The following AGGF1 variants were observed in gnomAD, a reference collection of about 807,000 sequenced individuals.
AGGF1 encodes angiogenic factor with G-patch and FHA domains 1, also known as angiogenic factor with G patch and FHA domains 1.
A neutral mutation model predicts 86.5 loss-of-function variants in AGGF1; 56 were observed. The ratio of observed to expected loss-of-function variants is 0.65; its 90% CI spans 0.52 to 0.81. The LOEUF is 0.81. Ranked by LOEUF, AGGF1 falls within the 30% of genes least tolerant of loss-of-function variation. AGGF1 has a pLI of 0.00. For missense variants in AGGF1, 816 were observed against 850.9 expected (o/e 0.96, Z 0.51); for synonymous variants, 313 against 297.1 (o/e 1.05, Z -0.55).
At chr5:77,040,054 G>C (rs1747041980) in intron 5 of AGGF1, among the ~76,000 whole-genome samples, 1 of 151,100 alleles carries the variant, frequency 6.6e-6, no homozygotes, top group South Asian at 2.1e-4. Flanking sequence ...GGTAGACATA[G>C]ATACAGGTTC....
At chr5:77,060,567 AT>A (rs769435572) in intron 12 of AGGF1, among the ~76,000 whole-genome samples, 1 of 152,022 alleles carries the variant, frequency 6.6e-6, no homozygotes, top group African/African-American at 2.4e-5. Flanking sequence ...TATTAGCTGC[AT>A]TTTTTTCCTC....
chr5:77,040,829 TTGTCCTTCTGTCCTGTCCTGTTC>T (rs1489383323), intron 5 of AGGF1, among the ~76,000 whole-genome samples: 4 of 152,316 alleles, frequency 2.6e-5, no homozygotes, highest in Middle Eastern at 3.4e-3. Context: ...CTGTCCTGTC[TTGTCCTTCTGTCCTGTCCTGTTC>T]TGTCCTTCTG....
At chr5:77,031,383 G>T (rs1014602937) in intron 1 of AGGF1, among the ~76,000 whole-genome samples, 2 of 152,168 alleles carry the variant, frequency 1.3e-5, no homozygotes, top group African/African-American at 4.8e-5. Context: ...CATTAAATGA[G>T]AATGATAGCT....
intron 6 of AGGF1, 116 bp from the exon 7 acceptor site, chr5:77,048,045 C>T (rs1272936741): frequency 1.3e-6 from 1 of 749,854 alleles, no homozygotes; most frequent in Non-Finnish European, 2.4e-6. Context: ...TTGTTTTAGT[C>T]AGAATTAAGA....
intron 5 of AGGF1, among the ~76,000 whole-genome samples, chr5:77,040,652 C>T (rs531431997): frequency 6.6e-6 from 1 of 152,222 alleles, no homozygotes; most frequent in Admixed American, 6.5e-5. Flanking sequence ...AAAAAGTTAA[C>T]AGTGTTCTTT....
At chr5:77,049,548 C>CT (rs759329284) in intron 8 of AGGF1, among the ~76,000 whole-genome samples, 1,833 of 130,624 alleles carry the variant, frequency 0.014, 32 homozygotes, top group African/African-American at 0.037. Flanking sequence ...TATATTTTTA[C>CT]TTTTTTTTTT....
intron 5 of AGGF1, among the ~76,000 whole-genome samples, chr5:77,043,562 GCA>G (rs1747178003): frequency 7.0e-6 from 1 of 142,788 alleles, no homozygotes; most frequent in African/African-American, 2.5e-5. Flanking sequence ...CTCCCGGACG[GCA>G]CGGCTGGCCA....
chr5:77,055,589 GT>G lies in AGGF1; in HGVS notation c.1712del (p.Leu571TyrfsTer12). 6.3e-7 allele frequency: 1 copy of G among 1,576,562 alleles called. No homozygotes were observed. ...KELKKIRVKY[G>X]LQNTEYEDEK... Reference sequence around the variant, plus strand: ...TTAAAGAAAATACGAGTAAAATATGGTTTACAGGTGAGGATGTTGAATATTG... The same window carrying G: ...TTAAAGAAAATACGAGTAAAATATGGTTACAGGTGAGGATGTTGAATATTG... On this transcript the variant is annotated frameshift_variant, in exon 11 of 14. Coordinates refer to ENST00000312916, the MANE Select transcript of AGGF1 (RefSeq NM_018046.5). LOFTEE classifies it high-confidence loss of function.
intron 1 of AGGF1, 51 bp downstream of exon 1, chr5:77,031,027 C>T: frequency 6.3e-7 from 1 of 1,594,836 alleles, no homozygotes; most frequent in Non-Finnish European, 8.6e-7. Flanking sequence ...GCGAGGCCTT[C>T]GAAGCCCGTG....
chr5:77,062,615 A>G (rs907079287), intron 13 of AGGF1, among the ~76,000 whole-genome samples: 1 of 152,210 alleles, frequency 6.6e-6, no homozygotes, highest in African/African-American at 2.4e-5. Context: ...TTCTTAAAAT[A>G]TTGAGAAGTG....
At chr5:77,050,488 G>A (rs1365812466) in intron 8 of AGGF1, among the ~76,000 whole-genome samples, 3 of 151,768 alleles carry the variant, frequency 2.0e-5, no homozygotes, top group Admixed American at 6.6e-5. Context: ...GCTTCTGGTG[G>A]CATTTCTGTT....
chr5:77,056,030 A>AC (rs1747450994), intron 11 of AGGF1, among the ~76,000 whole-genome samples: 1 of 152,172 alleles, frequency 6.6e-6, no homozygotes, highest in African/African-American at 2.4e-5. Context: ...CATTGATTGA[A>AC]CAACATAGTT....
chr5:77,031,124 T>G (rs1746842835), intron 1 of AGGF1, 148 bp downstream of exon 1: 1 of 862,030 alleles, frequency 1.2e-6, no homozygotes, highest in Admixed American at 2.3e-5. Flanking sequence ...GCAGTTACAA[T>G]TCCAAGTACC....
chr5:77,032,400 T>C (rs1320603416), intron 1 of AGGF1, among the ~76,000 whole-genome samples: 1 of 151,666 alleles, frequency 6.6e-6, no homozygotes, highest in Non-Finnish European at 1.5e-5. Context: ...ACCCTGTCTC[T>C]AGTAAAAATA....
intron 10 of AGGF1, 130 bp downstream of exon 10, chr5:77,054,260 C>G: frequency 1.8e-6 from 2 of 1,117,310 alleles, no homozygotes; most frequent in African/African-American, 1.5e-5. Flanking sequence ...ATATTTTATA[C>G]AAAGCTATCA....
intron 5 of AGGF1, among the ~76,000 whole-genome samples, 170 bp from the exon 6 acceptor site, chr5:77,046,174 TATC>T (rs1351601535): frequency 6.6e-6 from 1 of 152,204 alleles, no homozygotes; most frequent in South Asian, 2.1e-4. Context: ...AAGATGGTAA[TATC>T]ATTAACCAAG....
chr5:77,046,625 C>T lies in AGGF1; in HGVS notation c.1149C>T (p.Asp383=), dbSNP rs147756581. The T allele has an allele frequency of 1.9e-4, 305 of 1,613,906 alleles. No individual in the cohort carries two copies. The African/African-American group carries it at 2.3e-3, about 12-fold the overall frequency. Residue 383 remains aspartate (D), a synonymous_variant, in exon 6 of 14, where the codon GAC becomes GAT. Coordinates refer to ENST00000312916, the MANE Select transcript of AGGF1 (RefSeq NM_018046.5). Reference sequence around the variant, plus strand: ...ACTCTCAGACTGAGGATAGTTATGACGAAGCCATTACCAGTGAAGGCAATG... The same window carrying T: ...ACTCTCAGACTGAGGATAGTTATGATGAAGCCATTACCAGTGAAGGCAATG... ...ITDSQTEDSY[D]EAITSEGNVT...
At chr5:77,052,473 A>G (rs1046036070) in intron 8 of AGGF1, among the ~76,000 whole-genome samples, 5 of 152,250 alleles carry the variant, frequency 3.3e-5, no homozygotes, top group African/African-American at 9.6e-5. Context: ...GAGAAGAGGT[A>G]GGACATATTC....
intron 13 of AGGF1, 26 bp downstream of exon 13, chr5:77,061,828 A>G: frequency 6.3e-7 from 1 of 1,587,046 alleles, no homozygotes; most frequent in African/African-American, 1.3e-5. Context: ...TCTTTTATTC[A>G]TTTATTCCTA....
Sources: allele counts gnomAD v4.1 joint callset (sites outside exome capture counted in the v4.1 genomes callset), GRCh38; gene constraint gnomAD v4.1.1; transcripts MANE v1.5; gene names NCBI Gene and HGNC (gene_info 2026-07-23, HGNC 2026-07-21).